Variants in ST18 observed in about 807,000 individuals in gnomAD.
ST18 encodes the protein ST18 C2H2C-type zinc finger transcription factor, also known as suppression of tumorigenicity 18 protein.
A neutral mutation model predicts 110.0 loss-of-function variants in ST18; 50 were observed. The observed-to-expected ratio is 0.45, with a 90% CI of 0.36 to 0.58. ST18 has a LOEUF of 0.58. Ranked by LOEUF, ST18 falls within the 20% of genes least tolerant of loss-of-function variation. The pLI is 0.00. For missense variants in ST18, 1,306 were observed against 1,280.1 expected (o/e 1.02, Z -0.31); for synonymous variants, 461 against 452.4 (o/e 1.02, Z -0.24).
At chr8:52,322,270 G>A (rs1410928198) in intron 2 of ST18, among the ~76,000 whole-genome samples, 1 of 152,194 alleles carries the variant, frequency 6.6e-6, no homozygotes, top group East Asian at 1.9e-4. Flanking sequence ...ACCACAGGCT[G>A]GCTGTCTTGT....
chr8:52,389,926 C>CCAACAACAACAACAACAA (rs377203606), intron 2 of ST18, among the ~76,000 whole-genome samples: 16 of 151,832 alleles, frequency 1.1e-4, no homozygotes, highest in Non-Finnish European at 2.1e-4. Flanking sequence ...TATATTTACT[C>CCAACAACAACAACAACAA]CAACAACAAC....
At chr8:52,121,297 G>A (rs1484563800) in intron 23 of ST18, among the ~76,000 whole-genome samples, 6 of 152,152 alleles carry the variant, frequency 3.9e-5, no homozygotes, top group Non-Finnish European at 5.9e-5. Flanking sequence ...ATTGTCATGG[G>A]ATCTAATACG....
chr8:52,331,037 C>T (rs535145570), intron 2 of ST18, among the ~76,000 whole-genome samples: 2 of 152,244 alleles, frequency 1.3e-5, no homozygotes, highest in South Asian at 4.1e-4. Flanking sequence ...TGATTGGCTG[C>T]TCCTAGAGAA....
intron 22 of ST18, 34 bp from the exon 23 acceptor site, chr8:52,126,174 T>C (rs756855708): frequency 1.3e-6 from 2 of 1,573,978 alleles, no homozygotes; most frequent in Middle Eastern, 1.7e-4. Flanking sequence ...ATGTATGAAA[T>C]GTATATGATT....
intron 9 of ST18, 92 bp from the exon 10 acceptor site, chr8:52,172,675 T>A (rs1563857893): frequency 7.3e-6 from 7 of 955,266 alleles, no homozygotes; most frequent in African/African-American, 1.7e-5. Context: ...ACATATGCAT[T>A]CACATACATA....
At chr8:52,377,363 T>A (rs1338185190) in intron 2 of ST18, among the ~76,000 whole-genome samples, 1 of 152,144 alleles carries the variant, frequency 6.6e-6, no homozygotes, top group Admixed American at 6.5e-5. Context: ...GACTGATAAA[T>A]CGAGATATTT....
chr8:52,166,369 C>G (rs1461822000), intron 11 of ST18, among the ~76,000 whole-genome samples: 5 of 152,176 alleles, frequency 3.3e-5, no homozygotes, highest in Non-Finnish European at 7.4e-5. Context: ...TGGGCGCTCA[C>G]CCTCTGGGGC....
intron 2 of ST18, among the ~76,000 whole-genome samples, chr8:52,317,228 G>A (rs1261927798): frequency 1.3e-5 from 2 of 152,034 alleles, no homozygotes. Context: ...ATTAATTTAG[G>A]GATCTTGATG....
At chr8:52,288,708 A>AT (rs1190565868) in intron 2 of ST18, among the ~76,000 whole-genome samples, 11 of 152,022 alleles carry the variant, frequency 7.2e-5, no homozygotes, top group Admixed American at 6.5e-5. Flanking sequence ...AATAAAAAAA[A>AT]AAAAATAAAA....
intron 2 of ST18, among the ~76,000 whole-genome samples, chr8:52,328,047 A>C (rs1054207995): frequency 6.6e-6 from 1 of 152,170 alleles, no homozygotes; most frequent in Non-Finnish European, 1.5e-5. Context: ...AATAATCTTA[A>C]CTCAAGAAAC....
At chr8:52,332,827 G>A (rs958920835) in intron 2 of ST18, among the ~76,000 whole-genome samples, 7 of 151,848 alleles carry the variant, frequency 4.6e-5, no homozygotes, top group African/African-American at 1.7e-4. Context: ...TTCCAGCCTG[G>A]GCAACAGAGC....
intron 9 of ST18, among the ~76,000 whole-genome samples, chr8:52,178,629 A>C (rs1427997576): frequency 6.2e-5 from 8 of 130,020 alleles, no homozygotes; most frequent in Non-Finnish European, 4.6e-5. Flanking sequence ...AAAAAAAAAA[A>C]AAAAAAAAAA....
intron 10 of ST18, among the ~76,000 whole-genome samples, chr8:52,168,073 A>G (rs193299725): frequency 3.0e-4 from 46 of 151,722 alleles, no homozygotes; most frequent in African/African-American, 1.1e-3. Flanking sequence ...TAAAGCCCAA[A>G]TTGCCCCCTA....
At position 52,365,132 on chromosome 8, in the gene ST18, A is replaced by G. The variant is rs1189327106; in HGVS notation, c.-465+44196T>C. ...CTGTCTTAAAAAAAAAATAAAGAGA[A>G]AGTTCCTTCAGACATGTTTTTCACA... On this transcript the variant is annotated intron_variant, in intron 2 of 25. Coordinates refer to ENST00000689386, the MANE Select transcript of ST18 (RefSeq NM_001352837.2). Among the ~76,000 whole-genome samples the G allele has an allele frequency of 2.6e-5, 4 of 152,212 alleles. No homozygotes were observed. In the East Asian group the frequency reaches 7.7e-4, roughly 29 times the overall value.
chr8:52,170,408 C>A (rs973479115), intron 10 of ST18, among the ~76,000 whole-genome samples: 2 of 150,822 alleles, frequency 1.3e-5, no homozygotes, highest in Admixed American at 1.3e-4. Context: ...GCCGACACGG[C>A]GCCACTGCAC....
chr8:52,165,716 C>T (rs879834068), intron 11 of ST18, among the ~76,000 whole-genome samples: 7 of 152,170 alleles, frequency 4.6e-5, no homozygotes, highest in Non-Finnish European at 7.3e-5. Context: ...TATGGTTGAG[C>T]GAAGAGCCAG....
At chr8:52,379,624 G>T (rs767081786) in intron 2 of ST18, among the ~76,000 whole-genome samples, 1 of 151,066 alleles carries the variant, frequency 6.6e-6, no homozygotes, top group Non-Finnish European at 1.5e-5. Flanking sequence ...ATTAGAAAAA[G>T]GTATGTCACA....
chr8:52,301,675 A>G (rs1352317030), intron 2 of ST18, among the ~76,000 whole-genome samples: 2 of 152,232 alleles, frequency 1.3e-5, no homozygotes, highest in African/African-American at 4.8e-5. Context: ...ATTATTCAAC[A>G]TTTCCCTGAA....
At chr8:52,331,080 C>T (rs1036992253) in intron 2 of ST18, among the ~76,000 whole-genome samples, 4 of 152,112 alleles carry the variant, frequency 2.6e-5, no homozygotes, top group African/African-American at 9.7e-5. Context: ...TGTGCAACTG[C>T]TTCCTGCAAT....
Sources: allele counts gnomAD v4.1 joint callset (sites outside exome capture counted in the v4.1 genomes callset), GRCh38; gene constraint gnomAD v4.1.1; transcripts MANE v1.5; gene names NCBI Gene and HGNC (gene_info 2026-07-23, HGNC 2026-07-21).